The following COPZ2 variants were observed in gnomAD, a reference collection of about 807,000 sequenced individuals.
COPZ2 encodes coat protein complex I subunit zeta 2.
In COPZ2, 30 loss-of-function variants were observed where a neutral mutation model predicts 33.2. The ratio of observed to expected loss-of-function variants is 0.90; its 90% CI spans 0.68 to 1.23. The LOEUF is 1.23. Among genes scored for constraint, COPZ2 ranks in the 50% most tolerant of loss-of-function variants. The pLI is 0.00. For missense variants in COPZ2, 263 were observed against 262.4 expected, an observed-to-expected ratio of 1.00 and a Z score of -0.02; for synonymous variants, 89 against 102.6, an observed-to-expected ratio of 0.87 and a Z score of 0.80.
intron 5 of COPZ2, 149 bp downstream of exon 5, chr17:48,032,537 C>A: frequency 1.4e-6 from 1 of 710,516 alleles, no homozygotes; most frequent in African/African-American, 1.8e-5. Context: ...TAGCACAGCC[C>A]TACTTTCGTT....
chr17:48,043,670 G>T, the COPZ2 span: 1 of 467,890 alleles, frequency 2.1e-6, no homozygotes, highest in Non-Finnish European at 2.8e-6. Flanking sequence ...TCAAGACAGG[G>T]CCTTATACTC....
chr17:48,039,839 C>T (rs887435158), upstream of COPZ2, among the ~76,000 whole-genome samples: 1 of 152,026 alleles, frequency 6.6e-6, no homozygotes, highest in African/African-American at 2.4e-5. Flanking sequence ...TTCCCAGTGT[C>T]GGCCGGGCAC....
chr17:48,038,254 C>A (rs1366306786), upstream of COPZ2, among the ~76,000 whole-genome samples: 2 of 152,162 alleles, frequency 1.3e-5, no homozygotes, highest in Non-Finnish European at 2.9e-5. Flanking sequence ...TCTGGGGACA[C>A]CCCTCTGTGA....
chr17:48,034,474 G>A (rs2036947587), intron 2 of COPZ2, among the ~76,000 whole-genome samples: 1 of 152,138 alleles, frequency 6.6e-6, no homozygotes, highest in Non-Finnish European at 1.5e-5. Flanking sequence ...TGCTTTTGGA[G>A]TCCCCTCCTG....
intron 6 of COPZ2, 70 bp downstream of exon 6, chr17:48,032,086 G>C (rs1353885241): frequency 1.7e-5 from 22 of 1,265,732 alleles, no homozygotes; most frequent in African/African-American, 3.0e-5. Context: ...AGCCATGCTG[G>C]GTGCCATCTG....
upstream of COPZ2, among the ~76,000 whole-genome samples, chr17:48,039,577 T>C (rs575405809): frequency 8.6e-5 from 13 of 151,688 alleles, no homozygotes; most frequent in Non-Finnish European, 1.6e-4. Flanking sequence ...CCCAGGCTGG[T>C]CTTGAACGCC....
At chr17:48,035,576 G>T (rs1263839815) in intron 2 of COPZ2, among the ~76,000 whole-genome samples, 1 of 151,544 alleles carries the variant, frequency 6.6e-6, no homozygotes, top group African/African-American at 2.4e-5. Context: ...TCGTTTTTTT[G>T]TTTTTTGTTT....
Position 48,033,882 on chromosome 17 carries a change from G to A in COPZ2, c.249C>T (p.Asn83=), listed in dbSNP as rs778178300. Residue 83 remains asparagine, a synonymous_variant, in exon 3 of 9, where the codon AAC becomes AAT. Coordinates refer to ENST00000621465, the MANE Select transcript of COPZ2 (RefSeq NM_016429.4). ...EQMVFEKNVF[N]KTSRTESEIA... is the part of the protein sequence containing the mutation. The stretch of plus-strand genomic sequence containing the variant: ...ACTTACTCTCAGTCCGGCTGGTCTT[G>A]TTGAAGACATTTTTCTCGAAAACCA... 6.2e-7 allele frequency: 1 copy of A among 1,610,732 alleles called. No individual in the cohort carries two copies. Among genetic ancestry groups the A allele is most frequent in the East Asian group, 2.2e-5 (1 of 44,862 alleles).
At position 48,036,858 on chromosome 17, in the gene COPZ2, A is replaced by G. The variant is rs2036990721; in HGVS notation, c.179T>C (p.Leu60Pro). The G allele has an allele frequency of 6.2e-7, 1 of 1,613,766 alleles. No individual in the cohort carries two copies. Among genetic ancestry groups the G allele is most frequent in the Non-Finnish European group, 8.5e-7 (1 of 1,179,820 alleles). ...GGTGGGGTCAGAGGTTACCTTGGCC[A>G]GCAGCCGGCGCCCGTCATTATCTAG... ...FILDNDGRRL[L>P]AKYYDDTFPS... The change falls in exon 2 of 9, where the codon CTG (leucine) becomes CCG (proline). Residue 60 changes from leucine to proline, a missense_variant. Transcript: ENST00000621465.
chr17:48,032,144 TCCCCTCC>T lies in COPZ2; in HGVS notation c.494+5_494+11del, dbSNP rs780673848. 3.7e-6 allele frequency: 6 copies of T among 1,609,540 alleles called. No homozygotes were observed. Among genetic ancestry groups the T allele is most frequent in the Non-Finnish European group, 5.1e-6 (6 of 1,177,364 alleles). On this transcript the variant is annotated splice_donor_5th_base_variant and intron_variant, in intron 6 of 8. Coordinates refer to ENST00000621465, the MANE Select transcript of COPZ2 (RefSeq NM_016429.4). ...CTCCTGCTGTGAGTGTCCCTGACTG[TCCCCTCC>T]TCACCCGCCATCCACAATCTCGTCC...
At chr17:48,036,728 G>A (rs984154356) in intron 2 of COPZ2, 123 bp downstream of exon 2, 4 of 787,240 alleles carry the variant, frequency 5.1e-6, no homozygotes, top group Non-Finnish European at 8.4e-6. Context: ...AGGATGAGAA[G>A]GACCTCTGGA....
At position 48,033,931 on chromosome 17, in the gene COPZ2, G is replaced by A. The variant is rs1222753184; in HGVS notation, c.200C>T (p.Thr67Ile). 1 of 1,608,962 alleles carries A rather than the reference G, an allele frequency of 6.2e-7. No individual in the cohort carries two copies. Among genetic ancestry groups the A allele is most frequent in the East Asian group, 2.2e-5 (1 of 44,818 alleles). Residue 67 changes from threonine (T) to isoleucine (I), a missense_variant, in exon 3 of 9, where the codon ACA becomes ATA. Thr to Ile is a moderately conservative substitution (Grantham distance 89). Coordinates refer to ENST00000621465, the MANE Select transcript of COPZ2 (RefSeq NM_016429.4). ...CATCTGCTCCTTCATGGAGGGGAAT[G>A]TGTCATCATAATACTATGAGAAAGG... ...RRLLAKYYDD[T>I]FPSMKEQMVF... is the part of the protein sequence containing the mutation.
chr17:48,037,806 C>CGCCCGCCGCCT (rs1300579626), upstream of COPZ2: 4 of 985,454 alleles, frequency 4.1e-6, no homozygotes, highest in African/African-American at 3.5e-5. This position sits in a 1 kb window ranked among gnomAD's most constrained non-coding sequence, Gnocchi z 5.6. Flanking sequence ...CTGACAGCGC[C>CGCCCGCCGCCT]GCCCGCCGCC....
the COPZ2 span, chr17:48,047,962 C>T: frequency 6.6e-6 from 1 of 152,360 alleles, no homozygotes; most frequent in Non-Finnish European, 1.5e-5. Context: ...ATACACCTTC[C>T]TATTCCCTGA....
At chr17:48,043,895 G>C in the COPZ2 span, among the ~76,000 whole-genome samples, 2 of 152,116 alleles carry the variant, frequency 1.3e-5, no homozygotes, top group African/African-American at 2.4e-5. Flanking sequence ...GCTATATGAA[G>C]AACACTACCT....
intron 8 of COPZ2, among the ~76,000 whole-genome samples, chr17:48,027,955 G>C (rs764544719): frequency 4.6e-5 from 7 of 152,152 alleles, no homozygotes; most frequent in Non-Finnish European, 8.8e-5. Flanking sequence ...TTCTTCCATA[G>C]CCAGGTCACT....
At chr17:48,038,112 G>A (rs1422918671), upstream of COPZ2, 1 of 155,324 alleles carries the variant, frequency 6.4e-6, no homozygotes, top group Non-Finnish European at 1.4e-5. Flanking sequence ...GGCTGTCCTG[G>A]GGCCAGCAGC....
In COPZ2 at chr17:48,028,447, C is replaced by A; in HGVS notation, c.585+25G>T. 6.2e-7 allele frequency: 1 copy of A among 1,605,052 alleles called. No individual in the cohort carries two copies. ...CCGTATCTCTCTAGACCATTTCTAG[C>A]CAAGGCAGATGCAGGGGGGCCTACC... is the stretch of plus-strand genomic sequence containing the variant. On this transcript the variant is annotated intron_variant, in intron 8 of 8. Transcript: ENST00000621465. The surrounding 1 kb of genome is among the most constrained non-coding windows in gnomAD (Gnocchi z 4.5).
At chr17:48,047,632 AC>A in the COPZ2 span, 1 of 151,178 alleles carries the variant, frequency 6.6e-6, no homozygotes, top group African/African-American at 2.4e-5. Flanking sequence ...CACCTCTCAC[AC>A]CGCCAACGTT....
Sources: allele counts gnomAD v4.1 joint callset (sites outside exome capture counted in the v4.1 genomes callset), GRCh38; gene constraint gnomAD v4.1.1; non-coding constraint Gnocchi (gnomAD v3.1); transcripts MANE v1.5; gene names NCBI Gene and HGNC (gene_info 2026-07-23, HGNC 2026-07-21).